Variants in MARCHF1 observed in about 807,000 individuals in gnomAD.
The protein encoded by MARCHF1 is membrane associated ring-CH-type finger 1.
Under a neutral mutation model 54.2 loss-of-function variants are expected in MARCHF1, and 40 were observed. The observed-to-expected ratio is 0.74, with a 90% CI of 0.57 to 0.96. The LOEUF (loss-of-function observed/expected upper bound fraction) is 0.96, where lower values mean the gene tolerates loss of function less well. Ranked by LOEUF, MARCHF1 falls within the 40% of genes least tolerant of loss-of-function variation. MARCHF1 has a pLI of 0.00. For synonymous variants in MARCHF1, 236 were observed against 236.3 expected, an observed-to-expected ratio of 1.00 and a Z score of 0.01; for missense variants, 586 against 656.5, an observed-to-expected ratio of 0.89 and a Z score of 1.17.
At chr4:163,542,272 G>C (rs1738744520) in intron 9 of MARCHF1, among the ~76,000 whole-genome samples, 1 of 152,176 alleles carries the variant, frequency 6.6e-6, no homozygotes, top group Admixed American at 6.5e-5. Flanking sequence ...TAGGTACCAG[G>C]CATTCACACT....
At chr4:163,933,687 A>G (rs1316969334) in intron 3 of MARCHF1, among the ~76,000 whole-genome samples, 1 of 152,244 alleles carries the variant, frequency 6.6e-6, no homozygotes, top group Non-Finnish European at 1.5e-5. Flanking sequence ...CCTTTCAATA[A>G]GCAACTTTTC....
chr4:164,201,106 A>T (rs1256345345), intron 1 of MARCHF1, among the ~76,000 whole-genome samples: 2 of 152,254 alleles, frequency 1.3e-5, no homozygotes, highest in Non-Finnish European at 2.9e-5. Flanking sequence ...TCTTGGCTTT[A>T]GAAACCAAGA....
intron 1 of MARCHF1, among the ~76,000 whole-genome samples, chr4:164,245,294 C>G (rs1470610306): frequency 6.6e-6 from 1 of 152,164 alleles, no homozygotes; most frequent in African/African-American, 2.4e-5. Flanking sequence ...GGATGCAAGG[C>G]TGGTTCAAAC....
chr4:163,639,307 A>G (rs7663223), intron 5 of MARCHF1, among the ~76,000 whole-genome samples: 131,251 of 152,152 alleles, frequency 0.86, 57,064 homozygotes, highest in African/African-American at 0.96. Flanking sequence ...AAATAATTAC[A>G]TGAGTTGCAC....
chr4:163,921,370 T>C (rs1241193803), intron 3 of MARCHF1, among the ~76,000 whole-genome samples: 2 of 143,286 alleles, frequency 1.4e-5, no homozygotes, highest in Non-Finnish European at 1.5e-5. Flanking sequence ...ATCATTTAAA[T>C]CATCACTTCA....
intron 7 of MARCHF1, among the ~76,000 whole-genome samples, chr4:163,594,786 A>ACACC (rs1173614623): frequency 1.1e-4 from 17 of 151,564 alleles, no homozygotes; most frequent in African/African-American, 4.1e-4. Flanking sequence ...ACACACACAC[A>ACACC]CCCAAACCCA....
chr4:164,160,974 A>G (rs1730218174), intron 1 of MARCHF1, among the ~76,000 whole-genome samples: 2 of 152,200 alleles, frequency 1.3e-5, no homozygotes, highest in African/African-American at 4.8e-5. Context: ...GAATAACATG[A>G]TAGTTTTTGA....
chr4:163,781,217 G>T (rs1198084106), intron 4 of MARCHF1, among the ~76,000 whole-genome samples: 1 of 152,132 alleles, frequency 6.6e-6, no homozygotes, highest in Non-Finnish European at 1.5e-5. Flanking sequence ...CAGGCGTGGT[G>T]GCAGATGGCT....
At chr4:164,065,392 T>A (rs910328451) in intron 2 of MARCHF1, among the ~76,000 whole-genome samples, 14 of 152,204 alleles carry the variant, frequency 9.2e-5, no homozygotes, top group African/African-American at 3.4e-4. Flanking sequence ...AAAGATTTCA[T>A]GGCAAAGGCA....
chr4:164,082,575 T>C (rs1755122614), intron 2 of MARCHF1, among the ~76,000 whole-genome samples: 1 of 152,220 alleles, frequency 6.6e-6, no homozygotes, highest in Admixed American at 6.5e-5. Context: ...CTAGAAGGCA[T>C]ATATACAAAT....
At chr4:164,058,088 C>G (rs866517391) in intron 2 of MARCHF1, among the ~76,000 whole-genome samples, 16 of 151,884 alleles carry the variant, frequency 1.1e-4, no homozygotes, top group African/African-American at 3.6e-4. Flanking sequence ...CACATGGACA[C>G]AGGGAGGGGA....
At chr4:164,143,827 G>A (rs1457838047) in intron 1 of MARCHF1, among the ~76,000 whole-genome samples, 5 of 152,040 alleles carry the variant, frequency 3.3e-5, no homozygotes, top group African/African-American at 4.8e-5. Flanking sequence ...TAACAATATT[G>A]ACTTTAAATG....
chr4:164,078,980 ACT>A (rs1205657097), intron 2 of MARCHF1, among the ~76,000 whole-genome samples: 1 of 151,994 alleles, frequency 6.6e-6, no homozygotes, highest in African/African-American at 2.4e-5. Context: ...CTCTCTCAAA[ACT>A]CTTAACAATC....
intron 5 of MARCHF1, among the ~76,000 whole-genome samples, chr4:163,638,436 G>A (rs754591931): frequency 2.6e-5 from 4 of 151,906 alleles, no homozygotes; most frequent in Admixed American, 1.3e-4. Context: ...TCTTGCTCCA[G>A]CTCTCACCAT....
intron 1 of MARCHF1, among the ~76,000 whole-genome samples, chr4:164,120,337 A>G (rs190629749): frequency 6.6e-6 from 1 of 152,258 alleles, no homozygotes; most frequent in East Asian, 1.9e-4. Flanking sequence ...TACATAAAGG[A>G]AGTATTATTA....
chr4:163,949,460 C>T (rs1190806897), intron 3 of MARCHF1, among the ~76,000 whole-genome samples: 1 of 152,240 alleles, frequency 6.6e-6, no homozygotes, highest in Non-Finnish European at 1.5e-5. Context: ...TCCTTCTCGT[C>T]ATCCACAATG....
intron 3 of MARCHF1, among the ~76,000 whole-genome samples, chr4:163,907,533 T>C (rs530065150): frequency 6.6e-6 from 1 of 152,238 alleles, no homozygotes; most frequent in African/African-American, 2.4e-5. Context: ...AAACATTTCA[T>C]TCTAAACCAA....
At chr4:163,653,639 T>G (rs1417486443) in intron 5 of MARCHF1, among the ~76,000 whole-genome samples, 4 of 151,626 alleles carry the variant, frequency 2.6e-5, no homozygotes, top group Non-Finnish European at 5.9e-5. Flanking sequence ...ATGGGACAGT[T>G]TGAATGTCAG....
At chr4:163,678,973 T>G (rs1744006497) in intron 5 of MARCHF1, among the ~76,000 whole-genome samples, 1 of 152,216 alleles carries the variant, frequency 6.6e-6, no homozygotes, top group Admixed American at 6.5e-5. Context: ...CAAAAATGAA[T>G]GCATGAACTA....
Sources: gnomAD v4.1 joint callset for allele counts (sites outside exome capture counted in the v4.1 genomes callset) on GRCh38, gnomAD v4.1.1 for gene constraint, MANE v1.5 for transcripts, NCBI Gene and HGNC (gene_info 2026-07-23, HGNC 2026-07-21) for gene names.